Variants in MAF observed in about 807,000 individuals in gnomAD.
The protein encoded by MAF is MAF bZIP transcription factor.
MAF carries 10 observed loss-of-function variants against 22.0 expected under a neutral mutation model. That is an observed-to-expected ratio of 0.45 (90% CI 0.28 to 0.77). The LOEUF is 0.77. MAF is among the 30% of genes least tolerant of loss of function. The pLI, the probability that MAF is intolerant of heterozygous loss-of-function variation, is 0.12. For synonymous variants in MAF, 337 were observed against 255.8 expected (o/e 1.32, Z -3.03); for missense variants, 544 against 548.4 (o/e 0.99, Z 0.08).
At chr16:79,354,818 A>C in the MAF span, among the ~76,000 whole-genome samples, 2 of 152,226 alleles carry the variant, frequency 1.3e-5, no homozygotes, top group Non-Finnish European at 2.9e-5. Context: ...CAAAAGGAAC[A>C]AGAATTGAAT....
the MAF span, among the ~76,000 whole-genome samples, chr16:79,337,828 G>C: frequency 6.6e-6 from 1 of 152,146 alleles, no homozygotes; most frequent in Admixed American, 6.5e-5. Flanking sequence ...CACACACAAG[G>C]CTACTATGCC....
chr16:79,543,626 G>A, the MAF span, among the ~76,000 whole-genome samples: 110 of 151,438 alleles, frequency 7.3e-4, no homozygotes, highest in African/African-American at 2.6e-3. Flanking sequence ...GTGGCCAAGG[G>A]TCAATGCGAT....
chr16:79,350,994 T>G, the MAF span, among the ~76,000 whole-genome samples: 1 of 151,994 alleles, frequency 6.6e-6, no homozygotes, highest in Admixed American at 6.6e-5. Context: ...TTTTTTCACT[T>G]GCAGCTTCCA....
At chr16:79,477,756 G>A in the MAF span, among the ~76,000 whole-genome samples, 3 of 151,622 alleles carry the variant, frequency 2.0e-5, no homozygotes, top group South Asian at 4.2e-4. Context: ...ATGGAGTCTC[G>A]CTCTGTTGCC....
At chr16:79,331,586 A>T in the MAF span, among the ~76,000 whole-genome samples, 2 of 152,142 alleles carry the variant, frequency 1.3e-5, no homozygotes, top group Non-Finnish European at 2.9e-5. Flanking sequence ...TCTGGCCTGG[A>T]CCATAGTCAT....
At chr16:79,581,832 G>A (rs574084035), downstream of MAF, among the ~76,000 whole-genome samples, 63 of 152,132 alleles carry the variant, frequency 4.1e-4, no homozygotes, top group Non-Finnish European at 8.7e-4. Flanking sequence ...ATGTCATTCC[G>A]CAGGCTTACA....
chr16:79,233,848 C>A, the MAF span, among the ~76,000 whole-genome samples: 1 of 151,708 alleles, frequency 6.6e-6, no homozygotes, highest in East Asian at 1.9e-4. Flanking sequence ...AAAAATTAGC[C>A]GGGTGTGGTG....
chr16:79,214,407 G>C, the MAF span, among the ~76,000 whole-genome samples: 4 of 152,220 alleles, frequency 2.6e-5, no homozygotes, highest in East Asian at 5.8e-4. Flanking sequence ...ATGATCCCGA[G>C]CCACACACTG....
At chr16:79,415,569 G>A in the MAF span, among the ~76,000 whole-genome samples, 1 of 152,300 alleles carries the variant, frequency 6.6e-6, no homozygotes, top group Non-Finnish European at 1.5e-5. Context: ...CTTGCTCAGT[G>A]TGGTCAGCAT....
chr16:79,436,348 G>A, the MAF span, among the ~76,000 whole-genome samples: 1 of 152,186 alleles, frequency 6.6e-6, no homozygotes, highest in Non-Finnish European at 1.5e-5. Context: ...CTCCCAAAGT[G>A]CTGGGATTAC....
downstream of MAF, among the ~76,000 whole-genome samples, chr16:79,584,869 A>C (rs920242523): frequency 6.6e-6 from 1 of 152,234 alleles, no homozygotes; most frequent in African/African-American, 2.4e-5. Flanking sequence ...GTGTAGAAGT[A>C]AGTAATCAGA....
the MAF span, among the ~76,000 whole-genome samples, chr16:79,462,321 G>A: frequency 1.2e-4 from 19 of 152,276 alleles, no homozygotes; most frequent in East Asian, 2.3e-3. Flanking sequence ...AACCCAACAG[G>A]ATGAGTAACC....
At chr16:79,488,728 G>C in the MAF span, among the ~76,000 whole-genome samples, 1 of 152,184 alleles carries the variant, frequency 6.6e-6, no homozygotes, top group Non-Finnish European at 1.5e-5. Context: ...CCTGTGTCTT[G>C]CTATGTCAGA....
chr16:79,314,718 C>T, the MAF span, among the ~76,000 whole-genome samples: 1 of 152,144 alleles, frequency 6.6e-6, no homozygotes. Context: ...TCTGTTTTGT[C>T]ATTGCTTAAG....
At chr16:79,265,445 A>C in the MAF span, among the ~76,000 whole-genome samples, 1 of 151,890 alleles carries the variant, frequency 6.6e-6, no homozygotes, top group Non-Finnish European at 1.5e-5. Context: ...GACTCTAAGG[A>C]AGAAATAAGT....
At chr16:79,292,037 C>G in the MAF span, among the ~76,000 whole-genome samples, 7 of 151,778 alleles carry the variant, frequency 4.6e-5, no homozygotes, top group Non-Finnish European at 8.8e-5. Flanking sequence ...AAGATGACAT[C>G]TTAAAGGTAT....
At chr16:79,341,802 C>G in the MAF span, among the ~76,000 whole-genome samples, 1 of 152,090 alleles carries the variant, frequency 6.6e-6, no homozygotes, top group Non-Finnish European at 1.5e-5. Context: ...ATGGCCACTC[C>G]CATCAGATGC....
chr16:79,297,560 C>G, the MAF span, among the ~76,000 whole-genome samples: 4 of 152,138 alleles, frequency 2.6e-5, no homozygotes, highest in Admixed American at 2.0e-4. Flanking sequence ...TCAGCTTCCC[C>G]GGCTATAAAT....
chr16:79,426,123 T>C, the MAF span, among the ~76,000 whole-genome samples: 1 of 151,986 alleles, frequency 6.6e-6, no homozygotes, highest in African/African-American at 2.4e-5. Flanking sequence ...GGAGAATCAC[T>C]TGAATCTGGA....
Sources: gnomAD v4.1 joint callset for allele counts (sites outside exome capture counted in the v4.1 genomes callset) on GRCh38, gnomAD v4.1.1 for gene constraint, MANE v1.5 for transcripts, NCBI Gene and HGNC (gene_info 2026-07-23, HGNC 2026-07-21) for gene names.